The following CUL1 variants were observed in gnomAD, a reference collection of about 807,000 sequenced individuals.
CUL1 encodes cullin 1.
A neutral mutation model predicts 118.0 loss-of-function variants in CUL1; 24 were observed. That is an observed-to-expected ratio of 0.20 (90% CI 0.15 to 0.29). CUL1 has a LOEUF of 0.29. Ranked by LOEUF, CUL1 falls within the 10% of genes least tolerant of loss-of-function variation. CUL1 has a pLI of 1.00. For synonymous variants in CUL1, 332 were observed against 340.4 expected (o/e 0.98, Z 0.27); for missense variants, 361 against 933.8 (o/e 0.39, Z 7.99).
rs1462091308 is a variant in CUL1, at chr7:148,799,141, G to T, written c.2137-134G>T. 9.8e-6 allele frequency: 6 copies of T among 609,150 alleles called. No homozygotes were observed. The African/African-American group carries it at 1.1e-4, about 11-fold the overall frequency. The allele number at this position is 609,150 out of a possible 1,614,324, so 37.7% of individuals were successfully genotyped here. On this transcript the variant is annotated intron_variant, in intron 20 of 21. Transcript: ENST00000325222. ...GTTCCCTCTCCCGTCTCACCTGCAG[G>T]ATGTTTGTTGCCTGTTAGGAAATTG...
chr7:148,703,846 G>A (rs1797796817), intron 1 of CUL1, among the ~76,000 whole-genome samples: 1 of 152,098 alleles, frequency 6.6e-6, no homozygotes, highest in Non-Finnish European at 1.5e-5. Flanking sequence ...GATATTTAAA[G>A]TAGTAAAAAT....
At chr7:148,706,183 G>A (rs987783279) in intron 1 of CUL1, among the ~76,000 whole-genome samples, 3 of 152,138 alleles carry the variant, frequency 2.0e-5, no homozygotes, top group African/African-American at 7.2e-5. Flanking sequence ...CCATCCGCAA[G>A]ATACCTCAAA....
At chr7:148,725,726 G>A (rs2129459473) in intron 1 of CUL1, among the ~76,000 whole-genome samples, 1 of 152,306 alleles carries the variant, frequency 6.6e-6, no homozygotes, top group East Asian at 1.9e-4. Flanking sequence ...TTCATGATGT[G>A]CCTACTTCTA....
At chr7:148,768,544 C>T (rs957024615) in intron 9 of CUL1, among the ~76,000 whole-genome samples, 3 of 151,872 alleles carry the variant, frequency 2.0e-5, no homozygotes, top group Admixed American at 6.6e-5. Context: ...GCCACCATTC[C>T]CGGCTAATTT....
intron 1 of CUL1, among the ~76,000 whole-genome samples, chr7:148,701,079 G>C (rs546303933): frequency 6.6e-6 from 1 of 152,206 alleles, no homozygotes; most frequent in South Asian, 2.1e-4. Flanking sequence ...CAGCGCAGGA[G>C]ATATTCCTTA....
At chr7:148,709,618 C>T (rs774412984) in intron 1 of CUL1, among the ~76,000 whole-genome samples, 2 of 152,170 alleles carry the variant, frequency 1.3e-5, no homozygotes, top group Non-Finnish European at 2.9e-5. Context: ...AGAAAATACA[C>T]AAGTTAATGT....
chr7:148,742,931 T>A (rs915880656), intron 2 of CUL1, among the ~76,000 whole-genome samples: 4 of 152,210 alleles, frequency 2.6e-5, no homozygotes, highest in Non-Finnish European at 4.4e-5. Context: ...TATAAGTATT[T>A]GAAAGTATAA....
chr7:148,752,543 A>G (rs561411189), intron 2 of CUL1, among the ~76,000 whole-genome samples: 1 of 151,990 alleles, frequency 6.6e-6, no homozygotes, highest in African/African-American at 2.4e-5. Flanking sequence ...TTTCTGTGGT[A>G]TATTTTGTTC....
chr7:148,779,574 A>C (rs574205287), intron 9 of CUL1, among the ~76,000 whole-genome samples: 1 of 152,306 alleles, frequency 6.6e-6, no homozygotes, highest in Admixed American at 6.5e-5. Context: ...GGCTGGCCAG[A>C]CCAGGGAAAA....
chr7:148,757,153 A>G lies in CUL1; in HGVS notation c.483+3A>G, dbSNP rs1056974303. 4 of 1,491,270 alleles carry G rather than the reference A, an allele frequency of 2.7e-6. No individual in the cohort carries two copies. The highest frequency in any genetic ancestry group is 5.0e-5 in the East Asian group (2 of 40,322). 92.4% of individuals were successfully genotyped at this position (1,491,270 alleles called of 1,614,324 possible). On this transcript the variant is annotated splice_donor_region_variant and intron_variant, in intron 4 of 21. Transcript: ENST00000325222. ...AAGGAATATATGAAATCTATTCGGT[A>G]AGAGTTTTGTTTTAAAACGTTTTAA...
At chr7:148,737,746 G>A (rs1254757813) in intron 2 of CUL1, among the ~76,000 whole-genome samples, 1 of 151,748 alleles carries the variant, frequency 6.6e-6, no homozygotes, top group African/African-American at 2.4e-5. Flanking sequence ...GATTACAGGT[G>A]CGTGCCACCA....
At chr7:148,790,053 G>A (rs531431664) in intron 15 of CUL1, among the ~76,000 whole-genome samples, 1 of 152,364 alleles carries the variant, frequency 6.6e-6, no homozygotes, top group East Asian at 1.9e-4. Context: ...TCCTTATCTT[G>A]TAAAGCAGAA....
intron 1 of CUL1, among the ~76,000 whole-genome samples, chr7:148,710,344 C>T (rs193024586): frequency 1.1e-4 from 16 of 152,164 alleles, no homozygotes; most frequent in Non-Finnish European, 2.1e-4. Context: ...CCAAGGCGAG[C>T]GGATCACCTG....
At chr7:148,748,592 T>C (rs1799377792) in intron 2 of CUL1, among the ~76,000 whole-genome samples, 1 of 152,180 alleles carries the variant, frequency 6.6e-6, no homozygotes, top group Non-Finnish European at 1.5e-5. Flanking sequence ...AATTTCTTGG[T>C]AATTAATAAG....
intron 2 of CUL1, among the ~76,000 whole-genome samples, chr7:148,735,853 A>G (rs918302239): frequency 2.0e-5 from 3 of 152,182 alleles, no homozygotes; most frequent in South Asian, 2.1e-4. Flanking sequence ...TAGTAAGCAT[A>G]TGGAAAAATG....
intron 1 of CUL1, among the ~76,000 whole-genome samples, chr7:148,707,166 T>A (rs1018898895): frequency 2.0e-5 from 3 of 152,172 alleles, no homozygotes; most frequent in Non-Finnish European, 2.9e-5. Context: ...AATCATCGAA[T>A]GTGGAAAATT....
At chr7:148,745,324 G>A (rs1799278075) in intron 2 of CUL1, among the ~76,000 whole-genome samples, 1 of 151,880 alleles carries the variant, frequency 6.6e-6, no homozygotes, top group Non-Finnish European at 1.5e-5. Context: ...CCAACATTTG[G>A]GTCAACTACA....
At chr7:148,718,391 T>C (rs1299059195) in intron 1 of CUL1, among the ~76,000 whole-genome samples, 1 of 152,108 alleles carries the variant, frequency 6.6e-6, no homozygotes, top group Non-Finnish European at 1.5e-5. Context: ...ATTCCCACCA[T>C]CCCCACAACC....
chr7:148,757,189 G>T lies in CUL1; in HGVS notation c.483+39G>T, dbSNP rs566041854. On this transcript the variant is annotated intron_variant, in intron 4 of 21. Transcript: ENST00000325222. ...TTTAAAACGTTTTAAATTTGTTTTT[G>T]TTTTTGTTTTTTTTAATGGCAAATT... 3.7e-6 allele frequency: 5 copies of T among 1,353,108 alleles called. No homozygotes were observed. The South Asian group carries it at 1.1e-4, about 29-fold the overall frequency. 83.8% of individuals were successfully genotyped at this position (1,353,108 alleles called of 1,614,324 possible). A position where few individuals can be genotyped will look rare whatever the true frequency, so the allele number is the denominator to read the frequency against.
Sources: allele counts gnomAD v4.1 joint callset (sites outside exome capture counted in the v4.1 genomes callset), GRCh38; gene constraint gnomAD v4.1.1; transcripts MANE v1.5; gene names NCBI Gene and HGNC (gene_info 2026-07-23, HGNC 2026-07-21).